Variants in ZNF385D observed in about 807,000 individuals in gnomAD.
The protein encoded by ZNF385D is zinc finger protein 659.
ZNF385D carries 15 observed loss-of-function variants against 35.8 expected under a neutral mutation model. The ratio of observed to expected loss-of-function variants is 0.42; its 90% CI spans 0.28 to 0.64. ZNF385D has a LOEUF of 0.64. ZNF385D is among the 30% of genes least tolerant of loss of function. ZNF385D has a pLI of 0.23. For missense variants in ZNF385D, 474 were observed against 494.6 expected, an observed-to-expected ratio of 0.96 and a Z score of 0.39; for synonymous variants, 212 against 186.8, an observed-to-expected ratio of 1.13 and a Z score of -1.10.
upstream of ZNF385D, among the ~76,000 whole-genome samples, chr3:21,754,135 A>G (rs2070232629): frequency 6.6e-6 from 1 of 152,234 alleles, no homozygotes. Context: ...TGCAATGAAC[A>G]TGGTAGTACA....
At chr3:21,875,901 T>A (rs1697939047) in intron 3 of ZNF385D, among the ~76,000 whole-genome samples, 1 of 152,126 alleles carries the variant, frequency 6.6e-6, no homozygotes, top group African/African-American at 2.4e-5. Context: ...AAGATAAGAA[T>A]TGAAATTGCA....
chr3:22,331,171 T>C (rs907870874), intron 2 of ZNF385D, among the ~76,000 whole-genome samples: 3 of 152,220 alleles, frequency 2.0e-5, no homozygotes, highest in Non-Finnish European at 2.9e-5. Context: ...ATACTTCAAT[T>C]CCTTTATTCT....
At chr3:22,045,169 A>T (rs927753935) in intron 3 of ZNF385D, among the ~76,000 whole-genome samples, 9 of 152,224 alleles carry the variant, frequency 5.9e-5, no homozygotes, top group African/African-American at 7.2e-5. Context: ...ATTAAAAAAA[A>T]AATAATTGCC....
rs987833430 is a variant in ZNF385D at position 21,947,227 on chromosome 3, A to G, written c.325+221590T>C. On this transcript the variant is annotated intron_variant, in intron 3 of 5. Transcript: ENST00000494108. ...CATCAAACTTATAAATACAATAGCG[A>G]ATTTACGATTTAAATATATTTTGAG... Among the ~76,000 whole-genome samples the G allele has an allele frequency of 3.9e-5, 6 of 152,198 alleles. No homozygotes were observed. In the East Asian group the frequency reaches 1.2e-3, roughly 29 times the overall value.
chr3:21,442,697 G>A (rs13066071), intron 4 of ZNF385D, among the ~76,000 whole-genome samples: 4,396 of 149,132 alleles, frequency 0.029, 95 homozygotes, highest in Non-Finnish European at 0.046. Context: ...AATAAAAAAA[G>A]TTCCTACAGG....
intron 3 of ZNF385D, among the ~76,000 whole-genome samples, chr3:21,796,264 C>A (rs1249441151): frequency 2.6e-5 from 4 of 152,182 alleles, no homozygotes; most frequent in Non-Finnish European, 4.4e-5. Context: ...GCAGCTTAAA[C>A]CACACACATT....
chr3:21,821,571 T>A (rs977745263), intron 3 of ZNF385D, among the ~76,000 whole-genome samples: 3 of 152,102 alleles, frequency 2.0e-5, no homozygotes, highest in African/African-American at 7.2e-5. Context: ...ACATCTCACA[T>A]CAGAAAGAAA....
At chr3:22,076,944 G>A (rs893756576) in intron 3 of ZNF385D, among the ~76,000 whole-genome samples, 2 of 151,814 alleles carry the variant, frequency 1.3e-5, no homozygotes, top group Non-Finnish European at 2.9e-5. Flanking sequence ...CTACCTCTGA[G>A]TAACACGTTT....
At chr3:22,081,773 G>T (rs1056971158) in intron 3 of ZNF385D, among the ~76,000 whole-genome samples, 4 of 152,064 alleles carry the variant, frequency 2.6e-5, no homozygotes, top group African/African-American at 9.7e-5. Flanking sequence ...CTAAAATATT[G>T]ATTCTCTGGT....
rs1553628992 is a variant in ZNF385D at position 21,424,685 on chromosome 3, A to ATC, written c.853-623_853-622dup. 4.3e-5 allele frequency among the ~76,000 whole-genome samples: 4 copies of ATC among 94,086 alleles called. No homozygotes were observed. The South Asian group carries it at 1.3e-3, about 32-fold the overall frequency. 61.7% of individuals were successfully genotyped at this position (94,086 alleles called of 152,430 possible). ...AGCTTTTCTTCTTATCACTACACAC[A>ATC]TCTCTTTTTTTTTTTTTTTTGAAAA... On this transcript the variant is annotated intron_variant, in intron 6 of 7. Transcript: ENST00000281523.
chr3:22,252,498 C>A (rs1442033930), intron 2 of ZNF385D, among the ~76,000 whole-genome samples: 1 of 151,970 alleles, frequency 6.6e-6, no homozygotes, highest in Non-Finnish European at 1.5e-5. Context: ...AAGATATGAG[C>A]AGAGTTCATG....
At chr3:22,170,199 T>C (rs1221273391) in intron 2 of ZNF385D, among the ~76,000 whole-genome samples, 2 of 152,188 alleles carry the variant, frequency 1.3e-5, no homozygotes, top group Non-Finnish European at 2.9e-5. Context: ...TTAATGTGCA[T>C]TTATGAGCTG....
rs1242489562 is a variant in ZNF385D at position 21,418,110 on chromosome 3, C to G, written c.*3104G>C. 1 of 152,090 alleles carries G rather than the reference C, an allele frequency of 6.6e-6. No homozygotes were observed. The highest frequency in any genetic ancestry group is 1.5e-5 in the Non-Finnish European group (1 of 67,978). The allele number at this position is 152,090 out of a possible 1,614,324, so 9.4% of individuals were successfully genotyped here. On this transcript the variant is annotated 3_prime_UTR_variant, in exon 8 of 8. Coordinates refer to ENST00000281523, the MANE Select transcript of ZNF385D (RefSeq NM_024697.3). Reference sequence around the variant, plus strand: ...ACGATCTGATTGAGGTGCAACAATGCTTTTTCCAGAGGCATTTGGCTTCTG... The same window carrying G: ...ACGATCTGATTGAGGTGCAACAATGGTTTTTCCAGAGGCATTTGGCTTCTG...
At chr3:21,621,528 G>A (rs1274697061) in intron 2 of ZNF385D, among the ~76,000 whole-genome samples, 3 of 147,534 alleles carry the variant, frequency 2.0e-5, no homozygotes, top group Non-Finnish European at 3.0e-5. Context: ...CCAATTTGCT[G>A]TGTCATCAGT....
chr3:21,506,098 A>T (rs1341301716), intron 4 of ZNF385D, among the ~76,000 whole-genome samples: 5 of 152,178 alleles, frequency 3.3e-5, no homozygotes, highest in Non-Finnish European at 5.9e-5. Context: ...AGAATGTTAT[A>T]TAATTGCTGA....
At chr3:21,981,942 A>G (rs182600295) in intron 3 of ZNF385D, among the ~76,000 whole-genome samples, 91 of 152,194 alleles carry the variant, frequency 6.0e-4, no homozygotes, top group African/African-American at 2.1e-3. Context: ...TTGTACTAGT[A>G]CCATGCTGTT....
intron 1 of ZNF385D, among the ~76,000 whole-genome samples, chr3:21,669,562 G>A (rs1442251094): frequency 1.3e-5 from 2 of 152,102 alleles, no homozygotes; most frequent in Admixed American, 6.5e-5. Context: ...TTTTTGAAAA[G>A]CAAATTAATA....
At chr3:22,192,456 C>T (rs1576473459) in intron 2 of ZNF385D, among the ~76,000 whole-genome samples, 1 of 152,048 alleles carries the variant, frequency 6.6e-6, no homozygotes, top group South Asian at 2.1e-4. Context: ...GCACACATTG[C>T]AAAAATGATG....
intron 3 of ZNF385D, among the ~76,000 whole-genome samples, chr3:21,799,874 T>A (rs1020203534): frequency 2.0e-5 from 3 of 152,172 alleles, no homozygotes; most frequent in African/African-American, 7.2e-5. Context: ...CTAAGAGTTT[T>A]ATAACTTTAG....
Sources: gnomAD v4.1 joint callset for allele counts (sites outside exome capture counted in the v4.1 genomes callset) on GRCh38, gnomAD v4.1.1 for gene constraint, MANE v1.5 for transcripts, NCBI Gene and HGNC (gene_info 2026-07-23, HGNC 2026-07-21) for gene names.